The following PALB2 variants were observed in gnomAD, a reference collection of about 807,000 sequenced individuals.
PALB2 encodes partner and localizer of BRCA2, also known as mutant partner and localizer of BRCA2.
In PALB2, 82 loss-of-function variants were observed where a neutral mutation model predicts 107.4. That is an observed-to-expected ratio of 0.76 (90% CI 0.64 to 0.92). The LOEUF is 0.92. Ranked by LOEUF, PALB2 falls within the 40% of genes least tolerant of loss-of-function variation. The probability of loss-of-function intolerance (pLI) is 0.00; values close to 1 mark genes in which losing one functional copy is unlikely to be tolerated. For missense variants in PALB2, 1,374 were observed against 1,379.9 expected (o/e 1.00, Z 0.07); for synonymous variants, 489 against 496.8 (o/e 0.98, Z 0.21).
chr16:23,639,538 G>T (rs1407637629), intron 1 of PALB2, among the ~76,000 whole-genome samples: 167 of 117,884 alleles, frequency 1.4e-3, no homozygotes, highest in African/African-American at 5.2e-3. Flanking sequence ...AAAAAAAAAA[G>T]GCCGGGTGCA....
Position 23,609,958 on chromosome 16 carries a change from G to A in PALB2, c.3202-1946C>T, listed in dbSNP as rs543028545. Reference sequence around the variant, plus strand: ...CTCCCAAAGCACTGGAATTACAGCTGTGAGCCACCATGCCTGGCCCCAGTG... The same window carrying A: ...CTCCCAAAGCACTGGAATTACAGCTATGAGCCACCATGCCTGGCCCCAGTG... On this transcript the variant is annotated intron_variant, in intron 11 of 12. Coordinates refer to ENST00000261584, the MANE Select transcript of PALB2 (RefSeq NM_024675.4). Among the ~76,000 whole-genome samples, 63 of 152,256 alleles carry A rather than the reference G, an allele frequency of 4.1e-4. 1 individual carries two copies. Among genetic ancestry groups the A allele is most frequent in the Middle Eastern group, 3.4e-3 (1 of 294 alleles).
intron 4 of PALB2, among the ~76,000 whole-genome samples, chr16:23,632,467 T>C (rs915056302): frequency 3.9e-5 from 6 of 152,040 alleles, no homozygotes; most frequent in African/African-American, 1.2e-4. Context: ...CCCATTATGC[T>C]GAGCAGCCAG....
intron 6 of PALB2, among the ~76,000 whole-genome samples, chr16:23,627,214 G>A (rs253098): frequency 2.0e-5 from 3 of 151,854 alleles, no homozygotes; most frequent in African/African-American, 2.4e-5. Flanking sequence ...ACGGCCGGGC[G>A]CGGTGGCTCA....
rs144496685 is a variant in PALB2 at position 23,636,140 on chromosome 16, T to A, written c.406A>T (p.Ser136Cys). ...GGCAGCTTCTGCTTTTGCTCACCAC[T>A]AGGGTCACTGACCCTGTGGGGAAAA... ...EHFPHRVSDP[S>C]GEQKQKLPSR... The change falls in exon 4 of 13, where the codon AGT becomes TGT. Residue 136 changes from serine to cysteine, a missense_variant. Ser to Cys is a moderately radical substitution (Grantham distance 112). Transcript: ENST00000261584. 6.2e-7 allele frequency: 1 copy of A among 1,613,182 alleles called. No individual in the cohort carries two copies. The highest frequency in any genetic ancestry group is 1.3e-5 in the African/African-American group (1 of 74,760).
chr16:23,624,485 T>C (rs1212876314), intron 7 of PALB2, among the ~76,000 whole-genome samples: 1 of 152,240 alleles, frequency 6.6e-6, no homozygotes. Context: ...GAATGAGGTA[T>C]ATTCAAGTAT....
intron 1 of PALB2, among the ~76,000 whole-genome samples, 165 bp from the exon 2 acceptor site, chr16:23,638,294 G>A (rs7198601): frequency 2.0e-5 from 3 of 152,118 alleles, no homozygotes; most frequent in Non-Finnish European, 4.4e-5. Context: ...ACCATTTCAG[G>A]ATCTTTGCAT....
rs876660397 is a variant in PALB2 at position 23,630,101 on chromosome 16, T to C, written c.2053A>G (p.Lys685Glu). The C allele has an allele frequency of 1.2e-6, 2 of 1,614,188 alleles. No homozygotes were observed. Among genetic ancestry groups the C allele is most frequent in the Non-Finnish European group, 1.7e-6 (2 of 1,180,040 alleles). Residue 685 changes from lysine to glutamate, a missense_variant, in exon 5 of 13, where the codon AAA becomes GAA. Transcript: ENST00000261584. ...TGCTGGCTTTGCGAGTTTGGCCTTT[T>C]GGGATGTGATTTTCCTGGTAGAACA... is the stretch of plus-strand genomic sequence containing the variant. Reference protein sequence around the residue: ...LIVLPGKSHPKRPNSQSQHTK... With the variant: ...LIVLPGKSHPERPNSQSQHTK...
In PALB2 at chr16:23,630,111, T is replaced by C. The variant is rs1057524569; in HGVS notation, c.2043A>G (p.Lys681=). ...LEEDLIVLPG[K]SHPKRPNSQS... is the part of the protein sequence containing the mutation. The stretch of plus-strand genomic sequence containing the variant: ...GCGAGTTTGGCCTTTTGGGATGTGA[T>C]TTTCCTGGTAGAACAATAAGGTCCT... Residue 681 remains lysine, a synonymous_variant, in exon 5 of 13, where the codon AAA becomes AAG. Transcript: ENST00000261584. 2.5e-6 allele frequency: 4 copies of C among 1,614,136 alleles called. No homozygotes were observed. Among genetic ancestry groups the C allele is most frequent in the Admixed American group, 1.7e-5 (1 of 59,996 alleles).
intron 1 of PALB2, among the ~76,000 whole-genome samples, chr16:23,639,963 C>A (rs891194871): frequency 6.6e-6 from 1 of 152,044 alleles, no homozygotes; most frequent in African/African-American, 2.4e-5. Context: ...CAGCTCCCTG[C>A]AACCTCAGCG....
intron 10 of PALB2, among the ~76,000 whole-genome samples, chr16:23,618,923 C>CAAAT: frequency 6.6e-6 from 1 of 152,310 alleles, no homozygotes; most frequent in Non-Finnish European, 1.5e-5. Context: ...AAAGCAGGGT[C>CAAAT]TTCTGGCAGA....
chr16:23,629,226 A>G lies in PALB2; in HGVS notation c.2564T>C (p.Leu855Pro), dbSNP rs774497779. 6.8e-6 allele frequency: 11 copies of G among 1,613,540 alleles called. No individual in the cohort carries two copies. Among genetic ancestry groups the G allele is most frequent in the Non-Finnish European group, 4.2e-6 (5 of 1,179,730 alleles). Residue 855 changes from leucine to proline, a missense_variant, in exon 6 of 13, where the codon CTA becomes CCA. By Grantham distance (98) the Leu-to-Pro change is moderately conservative (BLOSUM62 -3). Transcript: ENST00000261584. ...GACCTTTAACTCTGAAACCAATTGTAGGTTGCCTGGGTTTATGCTATCAGA... is the reference window on the plus strand; with the variant it reads ...GACCTTTAACTCTGAAACCAATTGTGGGTTGCCTGGGTTTATGCTATCAGA... ...PASDSINPGNLQLVSELKNPS... is the reference protein window; with the variant it reads ...PASDSINPGNPQLVSELKNPS...
At chr16:23,627,147 C>T (rs770518903) in intron 6 of PALB2, among the ~76,000 whole-genome samples, 3 of 152,002 alleles carry the variant, frequency 2.0e-5, no homozygotes, top group Admixed American at 6.6e-5. Context: ...AACCACAGAG[C>T]GTGGCCAAAG....
intron 4 of PALB2, among the ~76,000 whole-genome samples, chr16:23,631,540 CATAA>C (rs1482990710): frequency 1.3e-5 from 2 of 151,760 alleles, no homozygotes; most frequent in Non-Finnish European, 2.9e-5. Flanking sequence ...TAAATAAATA[CATAA>C]ATAAATAAAA....
chr16:23,606,508 G>A (rs1306667981), intron 12 of PALB2, among the ~76,000 whole-genome samples: 1 of 152,170 alleles, frequency 6.6e-6, no homozygotes, highest in African/African-American at 2.4e-5. Flanking sequence ...TATTGTAACT[G>A]TGTGCATTAT....
At chr16:23,627,392 C>G (rs1182732267) in intron 6 of PALB2, among the ~76,000 whole-genome samples, 1 of 149,554 alleles carries the variant, frequency 6.7e-6, no homozygotes, top group African/African-American at 2.5e-5. Flanking sequence ...GAGGCTGAGG[C>G]AGGAGAATGG....
chr16:23,623,255 G>A, intron 8 of PALB2, 125 bp from the exon 9 acceptor site: 2 of 861,212 alleles, frequency 2.3e-6, no homozygotes, highest in South Asian at 1.6e-5. Flanking sequence ...CTAGGCTGGA[G>A]TGCAGTGGCA....
At chr16:23,625,194 G>A (rs1462604904) in intron 7 of PALB2, among the ~76,000 whole-genome samples, 13 of 152,048 alleles carry the variant, frequency 8.5e-5, no homozygotes, top group African/African-American at 2.7e-4. Context: ...TTAGCTGGGC[G>A]TGGTGGTGGG....
intron 1 of PALB2, chr16:23,638,384 T>C (rs921423635): frequency 1.8e-6 from 1 of 547,522 alleles, no homozygotes; most frequent in Non-Finnish European, 3.3e-6. Flanking sequence ...AGATTTTTAT[T>C]TCCCTGGGAT....
rs1555460600 is a variant in PALB2, at chr16:23,630,263, A to G, written c.1891T>C (p.Ser631Pro). Residue 631 changes from serine (S) to proline (P), a missense_variant, in exon 5 of 13, where the codon TCA becomes CCA. By Grantham distance (74) the Ser-to-Pro change is moderately conservative. Coordinates refer to ENST00000261584, the MANE Select transcript of PALB2 (RefSeq NM_024675.4). ...TCAAAGGGCTCCACTGGTTTTTCTG[A>G]GCAGGACTTCACTTTTTCAAGCTTA... ...PLKLEKVKSCSEKPVEPFESK... is the reference protein window; with the variant it reads ...PLKLEKVKSCPEKPVEPFESK... The G allele has an allele frequency of 1.9e-6, 3 of 1,614,122 alleles. No homozygotes were observed. Among genetic ancestry groups the G allele is most frequent in the Non-Finnish European group, 2.5e-6 (3 of 1,180,018 alleles).
Sources: allele counts gnomAD v4.1 joint callset (sites outside exome capture counted in the v4.1 genomes callset), GRCh38; gene constraint gnomAD v4.1.1; transcripts MANE v1.5; gene names NCBI Gene and HGNC (gene_info 2026-07-23, HGNC 2026-07-21).